Variants in GRAMD2B observed in about 807,000 individuals in gnomAD.
GRAMD2B encodes GRAM domain-containing protein 2B.
Under a neutral mutation model 59.2 loss-of-function variants are expected in GRAMD2B, and 41 were observed. The observed-to-expected ratio is 0.69, with a 90% CI of 0.54 to 0.90. The LOEUF (loss-of-function observed/expected upper bound fraction) is 0.90, where lower values mean the gene tolerates loss of function less well. GRAMD2B is among the 40% of genes least tolerant of loss of function. The pLI is 0.00. For missense variants in GRAMD2B, 424 were observed against 500.5 expected, an observed-to-expected ratio of 0.85 and a Z score of 1.46; for synonymous variants, 161 against 182.7, an observed-to-expected ratio of 0.88 and a Z score of 0.96.
At position 126,480,535 on chromosome 5, in the gene GRAMD2B, T is replaced by A. The variant is rs200995520; in HGVS notation, c.654+8T>A. On this transcript the variant is annotated splice_region_variant and intron_variant, in intron 7 of 13. Coordinates refer to ENST00000285689, the MANE Select transcript of GRAMD2B (RefSeq NM_023927.4). ...GTGTGTGGACACTTAGAAGTGAGTA[T>A]GATGTCCCTGAGCCTCAATTACTGT... 5.0e-6 allele frequency: 8 copies of A among 1,610,326 alleles called. No individual in the cohort carries two copies. The East Asian group carries it at 1.8e-4, about 36-fold the overall frequency.
At chr5:126,490,491 G>A (rs1313141243) in intron 13 of GRAMD2B, 1 of 152,364 alleles carries the variant, frequency 6.6e-6, no homozygotes, top group African/African-American at 2.4e-5. Flanking sequence ...AGGAGCACCA[G>A]TGGAGACTAC....
At chr5:126,363,348 A>T (rs1754306546) in intron 1 of GRAMD2B, among the ~76,000 whole-genome samples, 1 of 152,194 alleles carries the variant, frequency 6.6e-6, no homozygotes, top group Non-Finnish European at 1.5e-5. Context: ...GAGAAACTGG[A>T]ACTCTCATCC....
chr5:126,486,441 T>C (rs897720445), intron 11 of GRAMD2B, among the ~76,000 whole-genome samples: 1 of 152,208 alleles, frequency 6.6e-6, no homozygotes, highest in African/African-American at 2.4e-5. Flanking sequence ...CTTCTGAAAA[T>C]AGCCTGACCC....
chr5:126,481,310 G>C (rs928697890), intron 8 of GRAMD2B, among the ~76,000 whole-genome samples: 1 of 151,846 alleles, frequency 6.6e-6, no homozygotes, highest in Admixed American at 6.6e-5. Context: ...CATTCCCTTA[G>C]ACTTTGTAAA....
At chr5:126,376,226 C>A (rs1158849075) in intron 1 of GRAMD2B, among the ~76,000 whole-genome samples, 2 of 152,150 alleles carry the variant, frequency 1.3e-5, no homozygotes, top group Non-Finnish European at 2.9e-5. Flanking sequence ...TTTGGGAGTA[C>A]AAACAAGGCC....
chr5:126,396,447 T>C (rs2216606), intron 1 of GRAMD2B, among the ~76,000 whole-genome samples: 119,188 of 152,124 alleles, frequency 0.78, 47,220 homozygotes, highest in Non-Finnish European at 0.85. Flanking sequence ...TCTGTTCCTG[T>C]GTTAGTTTGC....
chr5:126,406,662 G>T (rs1222584114), intron 1 of GRAMD2B, among the ~76,000 whole-genome samples: 1 of 151,884 alleles, frequency 6.6e-6, no homozygotes, highest in Non-Finnish European at 1.5e-5. Flanking sequence ...TTACTTATTG[G>T]AGGTTTAGTA....
intron 1 of GRAMD2B, among the ~76,000 whole-genome samples, chr5:126,360,951 A>G (rs1387523403): frequency 2.0e-5 from 3 of 152,178 alleles, no homozygotes; most frequent in African/African-American, 7.2e-5. Flanking sequence ...TAACCTAGAA[A>G]GGTAGGTTTG....
intron 1 of GRAMD2B, among the ~76,000 whole-genome samples, chr5:126,392,626 G>A (rs1756923991): frequency 6.6e-6 from 1 of 152,042 alleles, no homozygotes; most frequent in Non-Finnish European, 1.5e-5. Context: ...TTTGGCACCA[G>A]GGATTGGTTT....
At chr5:126,369,687 A>G (rs1411508803), upstream of GRAMD2B, among the ~76,000 whole-genome samples, 1 of 152,226 alleles carries the variant, frequency 6.6e-6, no homozygotes, top group Non-Finnish European at 1.5e-5. Context: ...AGGAAAGCTT[A>G]TCTATTGAAA....
intron 1 of GRAMD2B, among the ~76,000 whole-genome samples, chr5:126,441,117 G>A (rs953681205): frequency 6.6e-6 from 1 of 151,764 alleles, no homozygotes. Context: ...TCTAGAATGA[G>A]CGTGTATTAT....
Position 126,465,420 on chromosome 5 carries a change from C to A in GRAMD2B, c.84-6C>A. ...CTAAAGTGAAGCGGTTTCCTTTCTT[C>A]TTCAGCTCAGAGGCTGAGAATGGTG... On this transcript the variant is annotated splice_polypyrimidine_tract_variant and splice_region_variant and intron_variant, in intron 1 of 13. Coordinates refer to ENST00000285689, the MANE Select transcript of GRAMD2B (RefSeq NM_023927.4). The A allele has an allele frequency of 6.2e-7, 1 of 1,614,112 alleles. No homozygotes were observed. Among genetic ancestry groups the A allele is most frequent in the Non-Finnish European group, 8.5e-7 (1 of 1,180,000 alleles).
intron 4 of GRAMD2B, 31 bp downstream of exon 4, chr5:126,472,335 T>G: frequency 2.6e-6 from 4 of 1,564,576 alleles, no homozygotes; most frequent in Non-Finnish European, 3.5e-6. Context: ...CTTTTTAAGC[T>G]ACATATTTGA....
intron 1 of GRAMD2B, among the ~76,000 whole-genome samples, chr5:126,400,440 T>A (rs1757724717): frequency 6.6e-6 from 1 of 152,178 alleles, no homozygotes; most frequent in African/African-American, 2.4e-5. Context: ...TGTAGTTATT[T>A]TTAATACTTT....
intron 1 of GRAMD2B, among the ~76,000 whole-genome samples, chr5:126,409,508 G>T (rs1429896793): frequency 1.3e-5 from 2 of 152,138 alleles, no homozygotes; most frequent in Non-Finnish European, 2.9e-5. Context: ...GTCTGCTCAT[G>T]TCCTTCGCCA....
chr5:126,361,651 G>C (rs1281504059), intron 1 of GRAMD2B, among the ~76,000 whole-genome samples: 2 of 152,080 alleles, frequency 1.3e-5, no homozygotes, highest in Non-Finnish European at 2.9e-5. Flanking sequence ...CTGAAACACG[G>C]TATCTCAGAT....
chr5:126,372,499 CTATTT>C (rs1339144370), intron 1 of GRAMD2B, among the ~76,000 whole-genome samples: 1 of 152,026 alleles, frequency 6.6e-6, no homozygotes, highest in African/African-American at 2.4e-5. Flanking sequence ...CAAAGAAGTT[CTATTT>C]TATTTAATTG....
intron 1 of GRAMD2B, among the ~76,000 whole-genome samples, chr5:126,460,765 A>G (rs1400159021): frequency 6.6e-6 from 1 of 152,212 alleles, no homozygotes; most frequent in African/African-American, 2.4e-5. Context: ...AGGTGCCAAC[A>G]TGGTTTTCAC....
intron 12 of GRAMD2B, 43 bp from the exon 13 acceptor site, chr5:126,488,756 T>G (rs764333319): frequency 4.3e-6 from 6 of 1,381,840 alleles, no homozygotes; most frequent in Admixed American, 1.8e-5. Context: ...ACTTCTTTCC[T>G]TGTCATCCCT....
Sources: gnomAD v4.1 joint callset for allele counts (sites outside exome capture counted in the v4.1 genomes callset) on GRCh38, gnomAD v4.1.1 for gene constraint, MANE v1.5 for transcripts, NCBI Gene and HGNC (gene_info 2026-07-23, HGNC 2026-07-21) for gene names.